The following A2ML1 variants were observed in gnomAD, a reference collection of about 807,000 sequenced individuals.
The protein encoded by A2ML1 is alpha-2-macroglobulin like 1.
In A2ML1, 161 loss-of-function variants were observed where a neutral mutation model predicts 181.9. The ratio of observed to expected loss-of-function variants is 0.89; its 90% confidence interval spans 0.78 to 1.01. A2ML1 has a LOEUF of 1.01. A2ML1 is among the 50% of genes least tolerant of loss of function. The pLI, the probability that A2ML1 is intolerant of heterozygous loss-of-function variation, is 0.00. For missense variants in A2ML1, 1,670 were observed against 1,768.1 expected (o/e 0.94, Z 1.00); for synonymous variants, 663 against 666.8 (o/e 0.99, Z 0.09).
chr12:8,834,458 C>G (rs769628726), intron 4 of A2ML1, among the ~76,000 whole-genome samples: 2 of 152,212 alleles, frequency 1.3e-5, no homozygotes, highest in Non-Finnish European at 2.9e-5. Context: ...CACTCTTACC[C>G]TCCTCCTGCC....
At chr12:8,849,016 G>T in intron 16 of A2ML1, 102 bp downstream of exon 16, 1 of 1,285,422 alleles carries the variant, frequency 7.8e-7, no homozygotes, top group Non-Finnish European at 1.1e-6. Context: ...TATGGGCACT[G>T]ATGGGAACAA....
chr12:8,873,175 A>G (rs949934011), intron 33 of A2ML1, among the ~76,000 whole-genome samples: 10 of 151,982 alleles, frequency 6.6e-5, no homozygotes, highest in Admixed American at 5.2e-4. Context: ...GAAGCACTAT[A>G]CCTGAAGAAC....
In A2ML1 at chr12:8,869,150, C is replaced by T; in HGVS notation, c.4168C>T (p.Leu1390=). The change falls in exon 33 of 36, where the codon CTG becomes TTG. Residue 1390 remains leucine (L), a synonymous_variant. Transcript: ENST00000299698. ...GTNQLLLQQP[L]VKKVEFGTDT... is the part of the protein sequence containing the mutation. ...TCTTATTCAGCTTCTCCAGCAACCC[C>T]TGGTGAAGAAGGTTGAATTTGGAAC... The T allele has an allele frequency of 6.2e-7, 1 of 1,614,100 alleles. No individual in the cohort carries two copies. The highest frequency in any genetic ancestry group is 8.5e-7 in the Non-Finnish European group (1 of 1,180,016).
intron 28 of A2ML1, among the ~76,000 whole-genome samples, chr12:8,862,158 G>A (rs1442808940): frequency 6.6e-6 from 1 of 152,146 alleles, no homozygotes; most frequent in Non-Finnish European, 1.5e-5. Flanking sequence ...ATCTTTGAAA[G>A]TGCTTTGATG....
intron 15 of A2ML1, among the ~76,000 whole-genome samples, 198 bp from the exon 16 acceptor site, chr12:8,848,522 A>G (rs1157076479): frequency 6.6e-6 from 1 of 152,126 alleles, no homozygotes; most frequent in Non-Finnish European, 1.5e-5. Context: ...GGATAGGATT[A>G]TGAAAAAATA....
intron 26 of A2ML1, among the ~76,000 whole-genome samples, chr12:8,860,572 C>T (rs1944220683): frequency 6.6e-6 from 1 of 151,988 alleles, no homozygotes; most frequent in African/African-American, 2.4e-5. Context: ...CTTATTCCTC[C>T]CTTCTTTAAA....
downstream of A2ML1, chr12:8,880,429 A>C (rs1944859724): frequency 6.6e-6 from 1 of 150,884 alleles, no homozygotes; most frequent in Admixed American, 6.6e-5. Flanking sequence ...CTCATGGATT[A>C]TGTGTGTGTA....
intron 26 of A2ML1, 69 bp from the exon 27 acceptor site, chr12:8,860,812 G>A: frequency 7.5e-7 from 1 of 1,334,972 alleles, no homozygotes; most frequent in Non-Finnish European, 1.1e-6. Flanking sequence ...AGGCTGTTTT[G>A]CAATCTGCAC....
chr12:8,854,694 C>A, intron 21 of A2ML1, 86 bp from the exon 22 acceptor site: 1 of 1,465,722 alleles, frequency 6.8e-7, no homozygotes, highest in Non-Finnish European at 9.5e-7. Context: ...GGGGGCACAG[C>A]GAGGGGCCTC....
At chr12:8,822,980 G>A (rs773648442) in intron 1 of A2ML1, among the ~76,000 whole-genome samples, 3 of 152,176 alleles carry the variant, frequency 2.0e-5, no homozygotes, top group Admixed American at 1.3e-4. Context: ...ATGTGTGCTC[G>A]GTGAGGGCCT....
intron 26 of A2ML1, among the ~76,000 whole-genome samples, chr12:8,859,292 T>C (rs1944176469): frequency 6.6e-6 from 1 of 151,074 alleles, no homozygotes; most frequent in African/African-American, 2.5e-5. Flanking sequence ...ATCTTGAGTG[T>C]TAAAAAAAAA....
chr12:8,855,972 C>G (rs1944050463), intron 23 of A2ML1, among the ~76,000 whole-genome samples: 2 of 152,210 alleles, frequency 1.3e-5, no homozygotes, highest in African/African-American at 4.8e-5. Context: ...AGCACACTTA[C>G]TGTTTGGGGC....
chr12:8,867,834 T>C lies in A2ML1; in HGVS notation c.3718-8T>C. On this transcript the variant is annotated splice_region_variant and splice_polypyrimidine_tract_variant and intron_variant, in intron 29 of 35. Coordinates refer to ENST00000299698, the MANE Select transcript of A2ML1 (RefSeq NM_144670.6). ...AATGGTAAGTATACGTTTGGTTGTT[T>C]CCCTCAGGATACTGTAGTTGCTCTC... is the stretch of plus-strand genomic sequence containing the variant. 1 of 1,612,922 alleles carries C rather than the reference T, an allele frequency of 6.2e-7. No homozygotes were observed. The highest frequency in any genetic ancestry group is 8.5e-7 in the Non-Finnish European group (1 of 1,178,884).
chr12:8,823,108 GC>G, intron 1 of A2ML1, 73 bp from the exon 2 acceptor site: 1 of 1,438,548 alleles, frequency 7.0e-7, no homozygotes, highest in East Asian at 2.3e-5. Context: ...TACTTGCTGA[GC>G]GCTTAGGAGA....
At chr12:8,884,344 G>A (rs1357220646) in intron 7 of A2ML1, among the ~76,000 whole-genome samples, 1 of 149,886 alleles carries the variant, frequency 6.7e-6, no homozygotes, top group Non-Finnish European at 1.5e-5. Context: ...CGCGGGGGTT[G>A]GTTGTACAGA....
intron 35 of A2ML1, 149 bp downstream of exon 35, chr12:8,875,161 C>T: frequency 1.3e-6 from 1 of 774,570 alleles, no homozygotes; most frequent in Middle Eastern, 3.6e-4. Flanking sequence ...GGTTGAGTGG[C>T]TCACTTCCCA....
chr12:8,868,110 C>T, intron 30 of A2ML1, 53 bp downstream of exon 30: 1 of 1,608,498 alleles, frequency 6.2e-7, no homozygotes, highest in Non-Finnish European at 8.5e-7. Flanking sequence ...AGTCGGAGAG[C>T]ATCTTCCCCT....
At chr12:8,846,468 G>T (rs1455446201) in intron 14 of A2ML1, among the ~76,000 whole-genome samples, 3 of 152,130 alleles carry the variant, frequency 2.0e-5, no homozygotes, top group African/African-American at 4.8e-5. Flanking sequence ...GCTTTGGGAG[G>T]CCAAGGCAGA....
intron 30 of A2ML1, 81 bp from the exon 31 acceptor site, chr12:8,868,149 C>T: frequency 6.2e-7 from 1 of 1,609,120 alleles, no homozygotes; most frequent in South Asian, 1.1e-5. Context: ...TTCTTTCTCA[C>T]TTGTAAGAAA....
Sources: gnomAD v4.1 joint callset for allele counts (sites outside exome capture counted in the v4.1 genomes callset) on GRCh38, gnomAD v4.1.1 for gene constraint, MANE v1.5 for transcripts, NCBI Gene and HGNC (gene_info 2026-07-23, HGNC 2026-07-21) for gene names.